IL1RAPL2: variants seen among roughly 807,000 people sequenced by gnomAD.
IL1RAPL2 encodes the protein X-linked interleukin-1 receptor accessory protein-like 2.
IL1RAPL2 carries 3 observed loss-of-function variants against 44.1 expected under a neutral mutation model. The observed-to-expected ratio is 0.07, with a 90% CI of 0.03 to 0.18. IL1RAPL2 has a LOEUF of 0.18. Among genes scored for constraint, IL1RAPL2 ranks in the 10% least tolerant of loss-of-function variants. IL1RAPL2 has a pLI of 1.00. For synonymous variants in IL1RAPL2, 181 were observed against 178.8 expected, an observed-to-expected ratio of 1.01 and a Z score of -0.10; for missense variants, 391 against 496.4, an observed-to-expected ratio of 0.79 and a Z score of 2.02.
intron 5 of IL1RAPL2, among the ~76,000 whole-genome samples, chrX:105,355,427 T>A (rs2035194395): frequency 1.8e-5 from 2 of 111,530 alleles, no homozygotes; most frequent in African/African-American, 6.5e-5. Flanking sequence ...CCTGCAATAC[T>A]CTTCCTTCTA....
At chrX:104,846,242 AACAC>A (rs1922047571) in intron 2 of IL1RAPL2, among the ~76,000 whole-genome samples, 1 of 110,648 alleles carries the variant, frequency 9.0e-6, no homozygotes, top group Admixed American at 9.7e-5. Context: ...ACATGTGCAC[AACAC>A]ACAGGTTTGT....
chrX:104,909,902 C>T (rs1924175362), intron 2 of IL1RAPL2, among the ~76,000 whole-genome samples: 1 of 112,414 alleles, frequency 8.9e-6, no homozygotes, highest in Non-Finnish European at 1.9e-5. Context: ...TTCCTGGCTG[C>T]TTTGTTTACC....
intron 1 of IL1RAPL2, among the ~76,000 whole-genome samples, chrX:104,609,447 T>G (rs1929096412): frequency 8.9e-6 from 1 of 112,176 alleles, no homozygotes; most frequent in South Asian, 3.7e-4. Flanking sequence ...AAGAGTGTTT[T>G]CTAACTGGTT....
intron 2 of IL1RAPL2, among the ~76,000 whole-genome samples, chrX:105,037,223 G>C (rs955240538): frequency 8.9e-6 from 1 of 111,807 alleles, no homozygotes; most frequent in African/African-American, 3.2e-5. Context: ...AAAGATAAAG[G>C]AGAAATGATG....
Position 105,114,021 on chromosome X carries a change from G to A in IL1RAPL2, c.83-81454G>A, listed in dbSNP as rs771233362. ...CTTGTTTACTTCCTCTGGAAAATGA[G>A]TGTGAAGGACTAAATGTTTATGCTC... On this transcript the variant is annotated intron_variant, in intron 2 of 10. Coordinates refer to ENST00000372582, the MANE Select transcript of IL1RAPL2 (RefSeq NM_017416.2). Among the ~76,000 whole-genome samples, 6 of 111,956 alleles carry A rather than the reference G, an allele frequency of 5.4e-5. No individual in the cohort carries two copies. In the South Asian group the frequency reaches 2.2e-3, roughly 42 times the overall value.
chrX:105,578,487 G>A (rs774450803), intron 6 of IL1RAPL2, among the ~76,000 whole-genome samples: 13 of 110,779 alleles, frequency 1.2e-4, no homozygotes, highest in Non-Finnish European at 2.3e-4. Flanking sequence ...TGCCTCAATG[G>A]GATAGGATTA....
intron 2 of IL1RAPL2, among the ~76,000 whole-genome samples, chrX:105,119,164 T>A (rs184067213): frequency 9.0e-6 from 1 of 111,681 alleles, no homozygotes; most frequent in African/African-American, 3.3e-5. Flanking sequence ...CATCTCTTGT[T>A]GGAAAGAACT....
Position 105,236,096 on chromosome X carries a change from G to A in IL1RAPL2, c.543+2092G>A, listed in dbSNP as rs782426599. Among the ~76,000 whole-genome samples the A allele has an allele frequency of 3.0e-4, 34 of 112,526 alleles. No individual in the cohort carries two copies. The East Asian group carries it at 8.4e-3, about 28-fold the overall frequency. On this transcript the variant is annotated intron_variant, in intron 4 of 10. Coordinates refer to ENST00000372582, the MANE Select transcript of IL1RAPL2 (RefSeq NM_017416.2). ...GTTTTATTTTAATTTTATGGTTGAG[G>A]AAGGGAAGGTGACCTGCCCAAAGAG...
intron 1 of IL1RAPL2, among the ~76,000 whole-genome samples, chrX:104,621,320 C>T (rs1341866609): frequency 3.7e-5 from 4 of 108,240 alleles, no homozygotes; most frequent in African/African-American, 1.3e-4. Flanking sequence ...TATAATATTA[C>T]ATCTCAGCAG....
chrX:105,082,547 G>T (rs1569377954), intron 2 of IL1RAPL2, among the ~76,000 whole-genome samples: 1 of 110,942 alleles, frequency 9.0e-6, no homozygotes, highest in Non-Finnish European at 1.9e-5. Flanking sequence ...TCATATGGGA[G>T]AGCTCTGGCT....
chrX:105,646,244 G>T (rs907024330), intron 6 of IL1RAPL2, among the ~76,000 whole-genome samples: 1 of 111,755 alleles, frequency 8.9e-6, no homozygotes, highest in African/African-American at 3.3e-5. Flanking sequence ...GTCTGGATTT[G>T]TGTGCATTGA....
intron 8 of IL1RAPL2, among the ~76,000 whole-genome samples, chrX:105,741,945 TG>T (rs1308870774): frequency 9.0e-6 from 1 of 111,697 alleles, no homozygotes; most frequent in Non-Finnish European, 1.9e-5. Context: ...ATACTGAACT[TG>T]GATAATTTAT....
intron 5 of IL1RAPL2, among the ~76,000 whole-genome samples, chrX:105,354,464 G>A (rs1029026068): frequency 4.3e-5 from 4 of 92,785 alleles, no homozygotes; most frequent in Non-Finnish European, 6.2e-5. Context: ...AGAACACATG[G>A]ACACAGGAAG....
chrX:104,851,574 C>T (rs924936487), intron 2 of IL1RAPL2, among the ~76,000 whole-genome samples: 4 of 111,558 alleles, frequency 3.6e-5, no homozygotes. Context: ...AGAAAAGGAA[C>T]TCACGAAAAT....
At chrX:105,330,777 T>C (rs1325855277) in intron 5 of IL1RAPL2, among the ~76,000 whole-genome samples, 2 of 111,552 alleles carry the variant, frequency 1.8e-5, no homozygotes, top group African/African-American at 3.3e-5. Context: ...TTTCCACTTA[T>C]ACTGCTCTAA....
chrX:104,904,930 G>A (rs1394581704), intron 2 of IL1RAPL2, among the ~76,000 whole-genome samples: 12 of 111,330 alleles, frequency 1.1e-4, no homozygotes, highest in African/African-American at 3.9e-4. Context: ...CAGTGTAAAA[G>A]TGTTCCTATT....
chrX:104,613,766 C>T (rs1310569108), intron 1 of IL1RAPL2, among the ~76,000 whole-genome samples: 1 of 105,728 alleles, frequency 9.5e-6, no homozygotes, highest in African/African-American at 3.5e-5. Flanking sequence ...ATTTGTATGC[C>T]TGGCAGAATT....
At chrX:105,524,755 T>A (rs762001794) in intron 6 of IL1RAPL2, among the ~76,000 whole-genome samples, 10 of 111,189 alleles carry the variant, frequency 9.0e-5, no homozygotes, top group Admixed American at 2.9e-4. Flanking sequence ...GTGGTTTTTT[T>A]AATCAGGACT....
At chrX:105,380,108 A>C (rs184938758) in intron 5 of IL1RAPL2, among the ~76,000 whole-genome samples, 1 of 112,075 alleles carries the variant, frequency 8.9e-6, no homozygotes, top group East Asian at 2.8e-4. Flanking sequence ...TTTTGCCTGA[A>C]ATTATATCAA....
Sources: gnomAD v4.1 joint callset for allele counts (sites outside exome capture counted in the v4.1 genomes callset) on GRCh38, gnomAD v4.1.1 for gene constraint, MANE v1.5 for transcripts, NCBI Gene and HGNC (gene_info 2026-07-23, HGNC 2026-07-21) for gene names.